The following ROBO2 variants were observed in gnomAD, a reference collection of about 807,000 sequenced individuals.
ROBO2 encodes roundabout homolog 2.
Under a neutral mutation model 160.8 loss-of-function variants are expected in ROBO2, and 53 were observed. The ratio of observed to expected loss-of-function variants is 0.33; its 90% CI spans 0.26 to 0.41. The LOEUF (loss-of-function observed/expected upper bound fraction) is 0.41, where lower values mean the gene tolerates loss of function less well. ROBO2 is among the 10% of genes least tolerant of loss of function. The pLI, the probability that ROBO2 is intolerant of heterozygous loss-of-function variation, is 1.00. For synonymous variants in ROBO2, 664 were observed against 611.7 expected, an observed-to-expected ratio of 1.09 and a Z score of -1.26; for missense variants, 1,577 against 1,722.4, an observed-to-expected ratio of 0.92 and a Z score of 1.49.
intron 4 of ROBO2, among the ~76,000 whole-genome samples, chr3:77,486,726 C>G (rs2085406004): frequency 6.6e-6 from 1 of 152,190 alleles, no homozygotes; most frequent in South Asian, 2.1e-4. Context: ...TCCGTTCACT[C>G]TGATAGTTTC....
At chr3:76,417,557 G>A (rs897178726) in intron 2 of ROBO2, among the ~76,000 whole-genome samples, 3 of 152,020 alleles carry the variant, frequency 2.0e-5, no homozygotes, top group Non-Finnish European at 2.9e-5. Flanking sequence ...AAAAAATAAA[G>A]TTAGCCTAAA....
chr3:77,495,871 T>C (rs1314830903), intron 5 of ROBO2, among the ~76,000 whole-genome samples: 1 of 152,176 alleles, frequency 6.6e-6, no homozygotes, highest in East Asian at 1.9e-4. Context: ...TGTTCCTGAA[T>C]TAAGATAAAA....
intron 1 of ROBO2, among the ~76,000 whole-genome samples, chr3:77,077,284 A>AAG (rs1264367960): frequency 7.2e-5 from 11 of 152,204 alleles, no homozygotes; most frequent in Admixed American, 4.6e-4. Flanking sequence ...AAGTTCAATG[A>AAG]ATTATAGCCG....
intron 2 of ROBO2, among the ~76,000 whole-genome samples, chr3:77,382,393 TTC>T (rs1196647258): frequency 6.6e-6 from 1 of 151,396 alleles, no homozygotes; most frequent in Non-Finnish European, 1.5e-5. Flanking sequence ...TTTTAAGTAA[TTC>T]TCTTTTTCTT....
At chr3:76,885,173 T>C (rs531939997) in intron 2 of ROBO2, among the ~76,000 whole-genome samples, 11 of 152,312 alleles carry the variant, frequency 7.2e-5, no homozygotes, top group African/African-American at 2.2e-4. Flanking sequence ...GCCATAGATA[T>C]GTAACAGTGT....
intron 2 of ROBO2, among the ~76,000 whole-genome samples, chr3:77,182,007 T>A (rs1366181147): frequency 1.3e-5 from 2 of 152,124 alleles, no homozygotes; most frequent in African/African-American, 4.8e-5. Context: ...TCTATCCTAC[T>A]GTTATGAAAG....
At chr3:77,114,190 C>G (rs2073970846) in intron 2 of ROBO2, among the ~76,000 whole-genome samples, 1 of 152,168 alleles carries the variant, frequency 6.6e-6, no homozygotes, top group Non-Finnish European at 1.5e-5. Context: ...TGAGACTAGA[C>G]TAAGCATTTG....
rs370754293 is a variant in ROBO2, at chr3:76,076,805, G to A, written c.109+139203G>A. ...TCTCTGTTTATTACCGCATCAAGAT[G>A]AGCAGATTTAAACTCTAATTAAAGA... On this transcript the variant is annotated intron_variant, in intron 2 of 26. Coordinates refer to the ROBO2 transcript ENST00000487694. 2.6e-5 allele frequency among the ~76,000 whole-genome samples: 4 copies of A among 152,252 alleles called. No individual in the cohort carries two copies. In the East Asian group the frequency reaches 5.8e-4, roughly 22 times the overall value.
chr3:76,639,896 A>G (rs1325934000), intron 2 of ROBO2, among the ~76,000 whole-genome samples: 1 of 152,210 alleles, frequency 6.6e-6, no homozygotes, highest in Non-Finnish European at 1.5e-5. Flanking sequence ...GTGAAGAGCT[A>G]ATCTAACTTT....
chr3:77,562,678 G>A, exon 10 of ROBO2: 3 of 1,612,488 alleles, frequency 1.9e-6, no homozygotes, highest in South Asian at 1.1e-5. Flanking sequence ...TTATACTTGT[G>A]TGGCTACAAG....
intron 2 of ROBO2, among the ~76,000 whole-genome samples, chr3:77,154,997 C>T (rs926137917): frequency 8.0e-4 from 122 of 151,686 alleles, no homozygotes; most frequent in African/African-American, 2.7e-3. Flanking sequence ...CAAACCTGCA[C>T]GTATACTCCC....
In ROBO2 at chr3:77,408,029, A is replaced by G. The variant is rs1438700659; in HGVS notation, c.389-69385A>G. Among the ~76,000 whole-genome samples the G allele has an allele frequency of 2.0e-5, 3 of 151,924 alleles. No homozygotes were observed. The East Asian group carries it at 5.8e-4, about 29-fold the overall frequency. On this transcript the variant is annotated intron_variant, in intron 2 of 25. Transcript: ENST00000461745. ...CAAGAAAATAATATTTCTTATACAG[A>G]TTTCTCAATATATTATGCATTTGGA... is the stretch of plus-strand genomic sequence containing the variant.
At chr3:77,524,077 G>A (rs1008862589) in intron 6 of ROBO2, among the ~76,000 whole-genome samples, 4 of 151,132 alleles carry the variant, frequency 2.6e-5, no homozygotes, top group African/African-American at 4.8e-5. Context: ...ATTATTAGGA[G>A]ACAGGCATTT....
chr3:76,702,601 C>T (rs890715541), intron 2 of ROBO2, among the ~76,000 whole-genome samples: 1 of 151,746 alleles, frequency 6.6e-6, no homozygotes, highest in African/African-American at 2.4e-5. Context: ...ATTTAAAAAT[C>T]CTGAATCCAG....
chr3:76,148,382 T>C (rs891371381), intron 2 of ROBO2, among the ~76,000 whole-genome samples: 4 of 152,084 alleles, frequency 2.6e-5, no homozygotes, highest in Non-Finnish European at 5.9e-5. Flanking sequence ...GGATCTCTCC[T>C]AAATCATGCT....
intron 2 of ROBO2, among the ~76,000 whole-genome samples, chr3:76,104,916 A>G (rs2069854140): frequency 6.6e-6 from 1 of 152,200 alleles, no homozygotes; most frequent in Non-Finnish European, 1.5e-5. Context: ...AAAGAGATTA[A>G]TCTTTTTCAA....
chr3:76,390,158 C>T (rs1013574430), intron 2 of ROBO2, among the ~76,000 whole-genome samples: 2 of 152,028 alleles, frequency 1.3e-5, no homozygotes, highest in East Asian at 3.9e-4. Context: ...AACCTCTGTT[C>T]AAAACATTAA....
At chr3:76,521,360 G>T (rs771018456) in intron 2 of ROBO2, among the ~76,000 whole-genome samples, 1 of 151,960 alleles carries the variant, frequency 6.6e-6, no homozygotes, top group Non-Finnish European at 1.5e-5. Context: ...AACAACAATT[G>T]CTCTCTGCAT....
intron 2 of ROBO2, among the ~76,000 whole-genome samples, chr3:76,047,086 G>A (rs1160870508): frequency 6.6e-6 from 1 of 152,130 alleles, no homozygotes; most frequent in African/African-American, 2.4e-5. Context: ...GATCTCTATC[G>A]ATGCTGTACT....
Sources: gnomAD v4.1 joint callset for allele counts (sites outside exome capture counted in the v4.1 genomes callset) on GRCh38, gnomAD v4.1.1 for gene constraint, MANE v1.5 for transcripts, NCBI Gene and HGNC (gene_info 2026-07-23, HGNC 2026-07-21) for gene names.